The following CA10 variants were observed in gnomAD, a reference collection of about 807,000 sequenced individuals.
CA10 encodes carbonic anhydrase-related protein 10.
CA10 carries 14 observed loss-of-function variants against 44.2 expected under a neutral mutation model. The observed-to-expected ratio is 0.32, with a 90% CI of 0.21 to 0.50. The LOEUF is 0.50. CA10 is among the 20% of genes least tolerant of loss of function. The pLI, the probability that CA10 is intolerant of heterozygous loss-of-function variation, is 0.99. For synonymous variants in CA10, 159 were observed against 141.6 expected, an observed-to-expected ratio of 1.12 and a Z score of -0.87; for missense variants, 350 against 409.7, an observed-to-expected ratio of 0.85 and a Z score of 1.26.
intron 3 of CA10, among the ~76,000 whole-genome samples, chr17:51,914,008 T>C (rs552540660): frequency 9.9e-5 from 15 of 152,202 alleles, no homozygotes; most frequent in Admixed American, 9.2e-4. Flanking sequence ...GCACATCATA[T>C]GAAATGACTT....
chr17:51,849,216 T>C (rs1402171552), intron 3 of CA10, among the ~76,000 whole-genome samples: 1 of 54,564 alleles, frequency 1.8e-5, no homozygotes, highest in Non-Finnish European at 3.2e-5. Flanking sequence ...TATATATATA[T>C]ATACATATAT....
intron 3 of CA10, among the ~76,000 whole-genome samples, chr17:51,785,757 CT>C (rs1906246342): frequency 6.6e-6 from 1 of 152,260 alleles, no homozygotes; most frequent in African/African-American, 2.4e-5. Context: ...CAGTTTTCTT[CT>C]TTTTGCTCAG....
At chr17:52,114,731 G>A (rs1988855225) in intron 1 of CA10, among the ~76,000 whole-genome samples, 1 of 152,248 alleles carries the variant, frequency 6.6e-6, no homozygotes, top group South Asian at 2.1e-4. Flanking sequence ...CTGGCCTTGT[G>A]TGTATCTTAC....
chr17:52,139,416 A>T (rs190648558), intron 1 of CA10, among the ~76,000 whole-genome samples: 3 of 149,784 alleles, frequency 2.0e-5, no homozygotes, highest in African/African-American at 7.4e-5. Flanking sequence ...TTGCTCACAT[A>T]TGGCTCTTAC....
At chr17:51,861,302 C>A (rs1979292710) in intron 3 of CA10, among the ~76,000 whole-genome samples, 2 of 152,046 alleles carry the variant, frequency 1.3e-5, no homozygotes, top group South Asian at 4.1e-4. Context: ...ATTCAGTTTG[C>A]AGTTTCTCCA....
chr17:51,692,695 T>C (rs771554784), intron 4 of CA10, among the ~76,000 whole-genome samples: 10 of 152,238 alleles, frequency 6.6e-5, no homozygotes, highest in Non-Finnish European at 1.0e-4. Context: ...ATTATTGGCC[T>C]ATTGAAGGGC....
intron 3 of CA10, among the ~76,000 whole-genome samples, chr17:51,902,351 T>C (rs1176839654): frequency 6.6e-6 from 1 of 152,194 alleles, no homozygotes; most frequent in Admixed American, 6.5e-5. Context: ...AGTGATAATG[T>C]AAAGAAATAA....
chr17:51,657,881 G>T (rs745334810), intron 4 of CA10, among the ~76,000 whole-genome samples: 1 of 150,828 alleles, frequency 6.6e-6, no homozygotes, highest in Non-Finnish European at 1.5e-5. Flanking sequence ...TAAACACCAA[G>T]TTCAAGTTCA....
At chr17:51,943,869 A>G (rs1468707527) in intron 2 of CA10, among the ~76,000 whole-genome samples, 1 of 152,182 alleles carries the variant, frequency 6.6e-6, no homozygotes, top group African/African-American at 2.4e-5. Context: ...CCTAAAGGGA[A>G]AAACACATCG....
intron 2 of CA10, among the ~76,000 whole-genome samples, chr17:52,002,520 C>T (rs554088543): frequency 3.9e-5 from 6 of 152,084 alleles, no homozygotes; most frequent in African/African-American, 1.4e-4. Context: ...AGTCCAATGT[C>T]TAAACCAATG....
At chr17:51,939,942 TTCTC>T (rs1983013702) in intron 2 of CA10, among the ~76,000 whole-genome samples, 1 of 152,094 alleles carries the variant, frequency 6.6e-6, no homozygotes, top group Admixed American at 6.6e-5. Flanking sequence ...TTTCTGGGTT[TTCTC>T]TCTCATTTAA....
intron 4 of CA10, among the ~76,000 whole-genome samples, chr17:51,698,330 G>A (rs866175490): frequency 2.0e-5 from 3 of 152,186 alleles, no homozygotes; most frequent in Non-Finnish European, 2.9e-5. Flanking sequence ...GACGAAACAA[G>A]TCTTCTTCAG....
intron 1 of CA10, among the ~76,000 whole-genome samples, chr17:52,124,584 A>T (rs1989079717): frequency 6.6e-6 from 1 of 152,190 alleles, no homozygotes; most frequent in Admixed American, 6.5e-5. Flanking sequence ...GATATATAAG[A>T]TATTCATAAT....
At chr17:51,912,116 T>G (rs1369882524) in intron 3 of CA10, among the ~76,000 whole-genome samples, 1 of 152,198 alleles carries the variant, frequency 6.6e-6, no homozygotes, top group East Asian at 1.9e-4. Flanking sequence ...TTACCTCTTT[T>G]GTGGACTAAG....
At chr17:52,096,090 T>A (rs529729287) in intron 1 of CA10, among the ~76,000 whole-genome samples, 1 of 152,266 alleles carries the variant, frequency 6.6e-6, no homozygotes, top group East Asian at 1.9e-4. Context: ...TCTCTTGGGA[T>A]AATGCATGTG....
At chr17:51,864,712 C>A (rs1179862479) in intron 3 of CA10, among the ~76,000 whole-genome samples, 1 of 152,176 alleles carries the variant, frequency 6.6e-6, no homozygotes, top group African/African-American at 2.4e-5. Flanking sequence ...GACAGCATTT[C>A]AATTATGGTG....
intron 1 of CA10, among the ~76,000 whole-genome samples, chr17:52,124,192 CCTT>C (rs1989071644): frequency 6.6e-6 from 1 of 152,234 alleles, no homozygotes; most frequent in Non-Finnish European, 1.5e-5. Context: ...TATCCTCTCT[CCTT>C]CATCCCATTT....
At chr17:51,643,380 T>G (rs1597957928) in intron 6 of CA10, among the ~76,000 whole-genome samples, 1 of 152,276 alleles carries the variant, frequency 6.6e-6, no homozygotes, top group East Asian at 1.9e-4. Context: ...AGAAAATCCA[T>G]TCGGAAAATC....
chr17:51,952,269 A>C (rs1034716582), intron 2 of CA10, among the ~76,000 whole-genome samples: 1 of 152,222 alleles, frequency 6.6e-6, no homozygotes, highest in African/African-American at 2.4e-5. Context: ...AAACAACAGA[A>C]CTTTACTGTC....
Sources: allele counts gnomAD v4.1 joint callset (sites outside exome capture counted in the v4.1 genomes callset), GRCh38; gene constraint gnomAD v4.1.1; transcripts MANE v1.5; gene names NCBI Gene and HGNC (gene_info 2026-07-23, HGNC 2026-07-21).